Variants in HS3ST3A1 observed in about 807,000 individuals in gnomAD.
The protein encoded by HS3ST3A1 is heparan sulfate glucosamine 3-O-sulfotransferase 3A1.
A neutral mutation model predicts 25.7 loss-of-function variants in HS3ST3A1; 19 were observed. The ratio of observed to expected loss-of-function variants is 0.74; its 90% CI spans 0.52 to 1.08. The LOEUF (loss-of-function observed/expected upper bound fraction) is 1.08, where lower values mean the gene tolerates loss of function less well. HS3ST3A1 is among the 50% of genes least tolerant of loss of function. HS3ST3A1 has a pLI of 0.00. For synonymous variants in HS3ST3A1, 226 were observed against 278.6 expected, an observed-to-expected ratio of 0.81 and a Z score of 1.88; for missense variants, 459 against 594.3, an observed-to-expected ratio of 0.77 and a Z score of 2.37.
intron 1 of HS3ST3A1, among the ~76,000 whole-genome samples, chr17:13,577,341 T>C (rs1227020403): frequency 6.6e-6 from 1 of 152,232 alleles, no homozygotes; most frequent in African/African-American, 2.4e-5. Flanking sequence ...GAAATCTTGC[T>C]AGTCTCCAGT....
intron 1 of HS3ST3A1, among the ~76,000 whole-genome samples, chr17:13,564,065 T>C (rs920717018): frequency 3.9e-5 from 6 of 152,176 alleles, no homozygotes; most frequent in Non-Finnish European, 7.3e-5. Flanking sequence ...CTAAAGAGAT[T>C]AGATGGGTTT....
intron 1 of HS3ST3A1, among the ~76,000 whole-genome samples, chr17:13,565,877 T>C (rs998816651): frequency 6.6e-6 from 1 of 152,244 alleles, no homozygotes; most frequent in Non-Finnish European, 1.5e-5. Context: ...ATTAAATGCA[T>C]TTTGGACCTA....
In HS3ST3A1 at chr17:13,596,418, T is replaced by TACACACACAC. The variant is rs10535139; in HGVS notation, c.599+4103_599+4112dup. Among the ~76,000 whole-genome samples the TACACACACAC allele has an allele frequency of 2.1e-3, 307 of 146,442 alleles. 4 individuals carry two copies. In the South Asian group the frequency reaches 0.023, roughly 11 times the overall value. On this transcript the variant is annotated intron_variant, in intron 1 of 1. Transcript: ENST00000284110. ...GCATGTGTGAGGGTGTGCGCGTGCG[T>TACACACACAC]ACACACACACACACACACACACACA...
chr17:13,573,201 A>G (rs146586650), intron 1 of HS3ST3A1, among the ~76,000 whole-genome samples: 2 of 152,240 alleles, frequency 1.3e-5, no homozygotes, highest in Non-Finnish European at 2.9e-5. Context: ...GTTGCCCTAG[A>G]TCTCATCCAC....
intron 1 of HS3ST3A1, among the ~76,000 whole-genome samples, chr17:13,503,173 CAAA>C (rs144678351): frequency 1.6e-4 from 14 of 86,844 alleles, no homozygotes; most frequent in African/African-American, 3.8e-4. Flanking sequence ...GACTCCATCT[CAAA>C]AAAAAAAAAA....
At chr17:13,589,371 A>ACAAGCTTTAGCTC (rs1470964968) in intron 1 of HS3ST3A1, among the ~76,000 whole-genome samples, 2 of 152,168 alleles carry the variant, frequency 1.3e-5, no homozygotes, top group African/African-American at 2.4e-5. Flanking sequence ...AATTGTCATC[A>ACAAGCTTTAGCTC]CAAGCTTTAG....
chr17:13,523,146 A>T (rs902320618), intron 1 of HS3ST3A1, among the ~76,000 whole-genome samples: 1 of 152,242 alleles, frequency 6.6e-6, no homozygotes, highest in African/African-American at 2.4e-5. Flanking sequence ...CTCTAGGATC[A>T]AGCTAAAGAC....
chr17:13,552,942 AAGG>A (rs1185554175), intron 1 of HS3ST3A1, among the ~76,000 whole-genome samples: 1 of 152,186 alleles, frequency 6.6e-6, no homozygotes, highest in Non-Finnish European at 1.5e-5. Context: ...TTTAAGCAAG[AAGG>A]AGAATTATAA....
At position 13,525,316 on chromosome 17, in the gene HS3ST3A1, A is replaced by AT. The variant is rs909849491; in HGVS notation, c.600-28499dup. 1.4e-3 allele frequency among the ~76,000 whole-genome samples: 217 copies of AT among 151,364 alleles called. 1 individual carries two copies. Among genetic ancestry groups the AT allele is most frequent in the African/African-American group, 4.8e-3 (198 of 41,320 alleles). ...TGGACAGTTAAAAATTATTGTCCTA[A>AT]TTTTTTTTTCCTTAAAACTGTAATA... On this transcript the variant is annotated intron_variant, in intron 1 of 1. Transcript: ENST00000284110.
intron 1 of HS3ST3A1, among the ~76,000 whole-genome samples, chr17:13,555,224 A>G (rs58414803): frequency 0.024 from 3,686 of 152,108 alleles, 88 homozygotes; most frequent in African/African-American, 0.059. Context: ...TCCTCCCTCC[A>G]TTCCACTCCA....
intron 1 of HS3ST3A1, among the ~76,000 whole-genome samples, chr17:13,560,612 A>G (rs892635944): frequency 6.6e-6 from 1 of 152,198 alleles, no homozygotes; most frequent in African/African-American, 2.4e-5. Context: ...TAGTCTGGAT[A>G]CCCTGCTGAT....
At chr17:13,579,421 C>A (rs1018483242) in intron 1 of HS3ST3A1, among the ~76,000 whole-genome samples, 1 of 152,066 alleles carries the variant, frequency 6.6e-6, no homozygotes, top group African/African-American at 2.4e-5. Flanking sequence ...AGGATTTAGG[C>A]TGGGCCTAGT....
intron 1 of HS3ST3A1, among the ~76,000 whole-genome samples, chr17:13,581,136 C>A (rs950505123): frequency 3.3e-5 from 5 of 152,094 alleles, no homozygotes; most frequent in African/African-American, 1.2e-4. Flanking sequence ...AACAAATTTG[C>A]ATTTCAATAC....
At chr17:13,512,984 TAGG>T (rs1254485597) in intron 1 of HS3ST3A1, among the ~76,000 whole-genome samples, 1 of 152,196 alleles carries the variant, frequency 6.6e-6, no homozygotes, top group Non-Finnish European at 1.5e-5. Flanking sequence ...TTTGTCAAAA[TAGG>T]AGAATAGGAT....
At chr17:13,515,471 GTTTTTTTT>G (rs33924561) in intron 1 of HS3ST3A1, among the ~76,000 whole-genome samples, 5 of 107,750 alleles carry the variant, frequency 4.6e-5, no homozygotes, top group South Asian at 3.2e-4. Context: ...GTTTGTTTCA[GTTTTTTTT>G]TTTTTTTTTT....
At chr17:13,556,764 A>G (rs1253312094) in intron 1 of HS3ST3A1, among the ~76,000 whole-genome samples, 2 of 151,204 alleles carry the variant, frequency 1.3e-5, no homozygotes, top group African/African-American at 4.9e-5. Flanking sequence ...AGGCAAGAGA[A>G]TCGCTTGAAA....
chr17:13,560,288 C>CCA (rs1273796465), intron 1 of HS3ST3A1, among the ~76,000 whole-genome samples: 622 of 6,886 alleles, frequency 0.09, 27 homozygotes, highest in African/African-American at 0.21. Context: ...ACACTCGTCT[C>CCA]CAAAAAAAAA....
At chr17:13,590,907 T>TG (rs36009056) in intron 1 of HS3ST3A1, among the ~76,000 whole-genome samples, 2,629 of 151,564 alleles carry the variant, frequency 0.017, 76 homozygotes, top group African/African-American at 0.059. Context: ...AGCACTGGAT[T>TG]GGGGGGGGAT....
chr17:13,575,079 C>T (rs1907919091), intron 1 of HS3ST3A1, among the ~76,000 whole-genome samples: 1 of 151,178 alleles, frequency 6.6e-6, no homozygotes, highest in Non-Finnish European at 1.5e-5. Context: ...TTAATAATCC[C>T]ATCTCCTTCA....
Sources: gnomAD v4.1 joint callset for allele counts (sites outside exome capture counted in the v4.1 genomes callset) on GRCh38, gnomAD v4.1.1 for gene constraint, MANE v1.5 for transcripts, NCBI Gene and HGNC (gene_info 2026-07-23, HGNC 2026-07-21) for gene names.